DEPTOR: variants seen among roughly 807,000 people sequenced by gnomAD.
DEPTOR encodes DEP domain-containing mTOR-interacting protein.
DEPTOR carries 41 observed loss-of-function variants against 41.6 expected under a neutral mutation model. That is an observed-to-expected ratio of 0.98 (90% confidence interval 0.77 to 1.28). The LOEUF is 1.28. Ranked by LOEUF, DEPTOR falls within the 50% of genes most tolerant of loss-of-function variation. The probability of loss-of-function intolerance (pLI) is 0.00; values close to 1 mark genes in which losing one functional copy is unlikely to be tolerated. For missense variants in DEPTOR, 514 were observed against 527.9 expected (o/e 0.97, Z 0.26); for synonymous variants, 195 against 192.3 (o/e 1.01, Z -0.12).
intron 8 of DEPTOR, among the ~76,000 whole-genome samples, chr8:120,032,500 C>T (rs1473211626): frequency 3.3e-5 from 5 of 152,028 alleles, no homozygotes; most frequent in African/African-American, 9.7e-5. Context: ...GGATTACAGG[C>T]GTGAGTTACC....
At chr8:119,874,681 T>C (rs2326379) in intron 1 of DEPTOR, among the ~76,000 whole-genome samples, 51,425 of 151,900 alleles carry the variant, frequency 0.34, 9,409 homozygotes, top group South Asian at 0.51. Context: ...GCAGGATCCA[T>C]GGGGACCCTG....
chr8:119,874,082 G>C lies in DEPTOR; in HGVS notation c.122+114G>C, dbSNP rs934657104. The C allele has an allele frequency of 5.2e-5, 80 of 1,546,066 alleles. No homozygotes were observed. The East Asian group carries it at 1.9e-3, about 37-fold the overall frequency. ...TGGCTTGCGACTCGCGTGGGGCGCC[G>C]GAACGGCTGCGGGCGCGTGGATGGT... On this transcript the variant is annotated intron_variant, in intron 1 of 8. Transcript: ENST00000286234.
rs147529359 is a variant in DEPTOR, at chr8:119,906,733, C to A, written c.123-21667C>A. 7.4e-3 allele frequency among the ~76,000 whole-genome samples: 1,130 copies of A among 152,224 alleles called. 12 individuals are homozygous for A. The highest frequency in any genetic ancestry group is 0.025 in the African/African-American group (1,033 of 41,528). Reference sequence around the variant, plus strand: ...ATGGCTGGTGACAAATGTTTATAGACTTTACTGAAGGAAGGCCTTCATAGG... The same window carrying A: ...ATGGCTGGTGACAAATGTTTATAGAATTTACTGAAGGAAGGCCTTCATAGG... On this transcript the variant is annotated intron_variant, in intron 1 of 8. Transcript: ENST00000286234.
chr8:120,009,833 C>T (rs1812503446), intron 8 of DEPTOR, among the ~76,000 whole-genome samples: 1 of 152,082 alleles, frequency 6.6e-6, no homozygotes, highest in Non-Finnish European at 1.5e-5. Flanking sequence ...TTTACTACCT[C>T]CCTGGTGTTT....
At chr8:119,918,750 C>T (rs946460826) in intron 1 of DEPTOR, among the ~76,000 whole-genome samples, 3 of 152,038 alleles carry the variant, frequency 2.0e-5, no homozygotes, top group Admixed American at 2.0e-4. Flanking sequence ...TGTGCCACCG[C>T]GCCCAGCCTA....
At chr8:119,961,155 G>A (rs765816142) in intron 3 of DEPTOR, among the ~76,000 whole-genome samples, 4 of 151,996 alleles carry the variant, frequency 2.6e-5, no homozygotes, top group Non-Finnish European at 4.4e-5. Flanking sequence ...AGTGGATCAC[G>A]TCTGTAATCC....
intron 8 of DEPTOR, among the ~76,000 whole-genome samples, chr8:120,021,261 G>A (rs1249427505): frequency 1.3e-5 from 2 of 151,856 alleles, no homozygotes; most frequent in African/African-American, 2.4e-5. Context: ...AAAATTAGCC[G>A]GGCATGGTGG....
intron 1 of DEPTOR, among the ~76,000 whole-genome samples, chr8:119,904,513 G>T (rs1586607655): frequency 6.6e-6 from 1 of 151,742 alleles, no homozygotes; most frequent in African/African-American, 2.4e-5. Context: ...TTATTTTTTT[G>T]AGGCAGAGTC....
At position 119,969,345 on chromosome 8, in the gene DEPTOR, G is replaced by GTTTTTTT. The variant is rs1418719836; in HGVS notation, c.604+3939_604+3940insTTTTTTT. Among the ~76,000 whole-genome samples the GTTTTTTT allele has an allele frequency of 4.0e-5, 6 of 148,326 alleles. 1 individual carries two copies. The highest frequency in any genetic ancestry group is 7.6e-5 in the African/African-American group (3 of 39,512). On this transcript the variant is annotated intron_variant, in intron 4 of 8. Transcript: ENST00000286234. ...CAAATGCATTTTTGATAATAAATCT[G>GTTTTTTT]TTTTGTTTTTTTTTGTTTTTTTTTT...
chr8:119,885,069 G>T (rs1375840961), intron 1 of DEPTOR, among the ~76,000 whole-genome samples: 2 of 152,112 alleles, frequency 1.3e-5, no homozygotes, highest in Non-Finnish European at 2.9e-5. Flanking sequence ...TGAATTTCTT[G>T]ATTTGAATAA....
At chr8:120,000,914 C>T (rs964919011) in intron 4 of DEPTOR, among the ~76,000 whole-genome samples, 34 of 151,440 alleles carry the variant, frequency 2.2e-4, no homozygotes, top group African/African-American at 7.8e-4. Flanking sequence ...CCCGTCTCTA[C>T]GAAAATACAA....
chr8:119,987,540 T>G (rs1828845560), intron 4 of DEPTOR, among the ~76,000 whole-genome samples: 1 of 152,190 alleles, frequency 6.6e-6, no homozygotes, highest in South Asian at 2.1e-4. Context: ...AGTCTATTCC[T>G]TAGCAGAGCT....
intron 1 of DEPTOR, among the ~76,000 whole-genome samples, chr8:119,883,821 C>T (rs1199969197): frequency 5.3e-5 from 8 of 152,176 alleles, no homozygotes; most frequent in African/African-American, 9.7e-5. Flanking sequence ...CAGTAGGTAT[C>T]TATGTCTTGG....
chr8:119,980,481 T>TTCTTC (rs1828750515), intron 4 of DEPTOR, among the ~76,000 whole-genome samples: 2 of 144,548 alleles, frequency 1.4e-5, no homozygotes, highest in African/African-American at 5.3e-5. Flanking sequence ...TTCTTTTCTT[T>TTCTTC]TCTTTTCTTT....
intron 1 of DEPTOR, among the ~76,000 whole-genome samples, chr8:119,890,721 A>G (rs1275179694): frequency 6.6e-6 from 1 of 152,192 alleles, no homozygotes; most frequent in Non-Finnish European, 1.5e-5. Flanking sequence ...AATTCTTACA[A>G]TAATTTTATT....
At chr8:120,035,163 C>CA (rs370896635) in intron 8 of DEPTOR, among the ~76,000 whole-genome samples, 2 of 151,650 alleles carry the variant, frequency 1.3e-5, no homozygotes, top group African/African-American at 2.4e-5. Flanking sequence ...ACAAAAAATA[C>CA]AAAAAAATTA....
rs1828669492 is a variant in DEPTOR, at chr8:119,974,242, A to G, written c.604+8832A>G. On this transcript the variant is annotated intron_variant, in intron 4 of 8. Transcript: ENST00000286234. ...AGTGAGATCTTGTCTCTTTAAAAAA[A>G]AAAAAAAAAAAAAAAAAAAAAGAGA... Among the ~76,000 whole-genome samples, 5 of 144,216 alleles carry G rather than the reference A, an allele frequency of 3.5e-5. No individual in the cohort carries two copies. In the South Asian group the frequency reaches 1.1e-3, roughly 31 times the overall value. The allele number at this position is 144,216 out of a possible 152,430, so 94.6% of individuals were successfully genotyped here.
rs189012220 is a variant in DEPTOR at position 119,908,057 on chromosome 8, A to G, written c.123-20343A>G. Among the ~76,000 whole-genome samples, 374 of 152,240 alleles carry G rather than the reference A, an allele frequency of 2.5e-3. 2 individuals carry two copies. Among genetic ancestry groups the G allele is most frequent in the African/African-American group, 8.0e-3 (333 of 41,554 alleles). On this transcript the variant is annotated intron_variant, in intron 1 of 8. Transcript: ENST00000286234. ...AGTGATTAGAGGATGAGAGGGTTGGAACTTTCAACCCCACCCACCAACCAC... is the reference window on the plus strand; with the variant it reads ...AGTGATTAGAGGATGAGAGGGTTGGGACTTTCAACCCCACCCACCAACCAC...
intron 1 of DEPTOR, among the ~76,000 whole-genome samples, chr8:119,893,564 C>G (rs1265510939): frequency 6.6e-6 from 1 of 152,142 alleles, no homozygotes; most frequent in Non-Finnish European, 1.5e-5. Flanking sequence ...CCTGGTGGCT[C>G]GTGCCTGTAA....
Sources: allele counts gnomAD v4.1 joint callset (sites outside exome capture counted in the v4.1 genomes callset), GRCh38; gene constraint gnomAD v4.1.1; transcripts MANE v1.5; gene names NCBI Gene and HGNC (gene_info 2026-07-23, HGNC 2026-07-21).